Variants in PTPRD observed in about 807,000 individuals in gnomAD.
PTPRD encodes receptor-type tyrosine-protein phosphatase delta.
Under a neutral mutation model 214.5 loss-of-function variants are expected in PTPRD, and 34 were observed. The observed-to-expected ratio is 0.16, with a 90% CI of 0.12 to 0.21. The LOEUF is 0.21. Ranked by LOEUF, PTPRD falls within the 10% of genes least tolerant of loss-of-function variation. The probability of loss-of-function intolerance (pLI) is 1.00; values close to 1 mark genes in which losing one functional copy is unlikely to be tolerated. For missense variants in PTPRD, 2,545 were observed against 2,398.7 expected (o/e 1.06, Z -1.27); for synonymous variants, 1,128 against 845.7 (o/e 1.33, Z -5.79).
intron 43 of PTPRD, among the ~76,000 whole-genome samples, chr9:8,332,428 A>G (rs1288133709): frequency 6.6e-6 from 1 of 152,182 alleles, no homozygotes; most frequent in Non-Finnish European, 1.5e-5. Flanking sequence ...GCATCCCTCA[A>G]GGATACCAAC....
chr9:8,898,553 A>G (rs569002496), intron 11 of PTPRD, among the ~76,000 whole-genome samples: 3 of 152,368 alleles, frequency 2.0e-5, no homozygotes, highest in Admixed American at 6.5e-5. Context: ...TACATTTTAC[A>G]TATATAAAAT....
At chr9:10,230,837 A>T (rs182988564) in intron 3 of PTPRD, among the ~76,000 whole-genome samples, 1 of 152,102 alleles carries the variant, frequency 6.6e-6, no homozygotes, top group Admixed American at 6.6e-5. Flanking sequence ...ACTTATTTGC[A>T]TCGGTTGTGG....
chr9:8,895,389 G>C (rs2098600847), intron 11 of PTPRD, among the ~76,000 whole-genome samples: 1 of 152,104 alleles, frequency 6.6e-6, no homozygotes, highest in Admixed American at 6.6e-5. Flanking sequence ...CACTCTCTCT[G>C]TCCTTTTGAA....
At chr9:10,272,293 T>C (rs1487108747) in intron 3 of PTPRD, among the ~76,000 whole-genome samples, 1 of 152,238 alleles carries the variant, frequency 6.6e-6, no homozygotes, top group Non-Finnish European at 1.5e-5. Flanking sequence ...ACTTCGCTTT[T>C]TATTGCCAAT....
At chr9:9,019,297 A>AAAGAAAGAAAGAAAGAAAGG (rs1212296458) in intron 10 of PTPRD, among the ~76,000 whole-genome samples, 90 of 55,160 alleles carry the variant, frequency 1.6e-3, no homozygotes, top group African/African-American at 3.7e-3. Flanking sequence ...AGAAAGAAAG[A>AAAGAAAGAAAGAAAGAAAGG]AAGAAAGAAA....
intron 11 of PTPRD, among the ~76,000 whole-genome samples, chr9:8,739,407 T>G (rs7865769): frequency 2.0e-5 from 3 of 152,184 alleles, no homozygotes; most frequent in African/African-American, 7.2e-5. Context: ...TTTATCTGCA[T>G]TGACTAATAA....
At chr9:10,484,125 G>C (rs1283131548) in intron 2 of PTPRD, among the ~76,000 whole-genome samples, 1 of 152,002 alleles carries the variant, frequency 6.6e-6, no homozygotes, top group African/African-American at 2.4e-5. Flanking sequence ...CATAAAAAAT[G>C]ATAAAATAAT....
chr9:9,440,759 G>C (rs765079458), intron 8 of PTPRD, among the ~76,000 whole-genome samples: 1 of 152,146 alleles, frequency 6.6e-6, no homozygotes, highest in African/African-American at 2.4e-5. Context: ...GTGTTAAACA[G>C]AGATAAAATG....
intron 12 of PTPRD, among the ~76,000 whole-genome samples, chr9:8,677,490 A>C (rs138328257): frequency 7.4e-4 from 112 of 152,284 alleles, no homozygotes; most frequent in African/African-American, 2.3e-3. Context: ...ACAAACACAA[A>C]GAAGGAAACA....
Position 9,658,171 on chromosome 9 carries a change from T to A in PTPRD, c.-287+76362A>T, listed in dbSNP as rs560320286. 1.7e-4 allele frequency among the ~76,000 whole-genome samples: 26 copies of A among 152,272 alleles called. No individual in the cohort carries two copies. The South Asian group carries it at 3.9e-3, about 23-fold the overall frequency. ...GGAGAATTGAGTATGATGGTTTTCA[T>A]CATTGATATAATCAAAAGTCAGATG... On this transcript the variant is annotated intron_variant, in intron 7 of 45. Transcript: ENST00000381196.
chr9:9,817,931 T>G (rs1001688606), intron 5 of PTPRD, among the ~76,000 whole-genome samples: 1 of 152,182 alleles, frequency 6.6e-6, no homozygotes, highest in Admixed American at 6.5e-5. Flanking sequence ...TTTTAAGGAC[T>G]CCTATGAGGC....
rs2138456643 is a variant in PTPRD at position 8,517,885 on chromosome 9, G to C, written c.1506C>G (p.Pro502=). The part of the protein sequence containing the change: ...VLAFTSIGDG[P]LSSDIQVITQ... ...TGATGACTTGTATGTCACTTGAAAGGGGACCATCTCCAATTGAGGTAAAAG... is the reference window on the plus strand; with the variant it reads ...TGATGACTTGTATGTCACTTGAAAGCGGACCATCTCCAATTGAGGTAAAAG... Residue 502 remains proline (P), a synonymous_variant, in exon 21 of 46, where the codon CCC becomes CCG. Transcript: ENST00000381196. 3 of 1,614,062 alleles carry C rather than the reference G, an allele frequency of 1.9e-6. No individual in the cohort carries two copies. The highest frequency in any genetic ancestry group is 2.2e-5 in the East Asian group (1 of 44,874).
chr9:9,209,841 G>A (rs143896896), intron 9 of PTPRD, among the ~76,000 whole-genome samples: 1 of 152,248 alleles, frequency 6.6e-6, no homozygotes, highest in African/African-American at 2.4e-5. Flanking sequence ...TTTCATGGAT[G>A]CTGACAGAAG....
At chr9:10,588,574 T>C (rs2074566873) in intron 2 of PTPRD, among the ~76,000 whole-genome samples, 1 of 152,038 alleles carries the variant, frequency 6.6e-6, no homozygotes, top group Non-Finnish European at 1.5e-5. Flanking sequence ...AACACAGTTA[T>C]ATTTGAAAGA....
chr9:9,548,405 C>CT (rs1157663823), intron 8 of PTPRD, among the ~76,000 whole-genome samples: 7,261 of 118,526 alleles, frequency 0.061, 290 homozygotes, highest in African/African-American at 0.1. Context: ...GACTTTTTTT[C>CT]TTTTTTTTTT....
At chr9:9,037,786 G>A (rs1251374607) in intron 10 of PTPRD, among the ~76,000 whole-genome samples, 1 of 152,106 alleles carries the variant, frequency 6.6e-6, no homozygotes, top group Non-Finnish European at 1.5e-5. Flanking sequence ...GAAAAAGTAG[G>A]CTTTTCACCA....
intron 2 of PTPRD, among the ~76,000 whole-genome samples, chr9:10,564,274 C>T (rs1011125478): frequency 3.4e-5 from 5 of 147,122 alleles, no homozygotes; most frequent in African/African-American, 5.0e-5. Context: ...CTCAGCCTCC[C>T]AAATTGCTGG....
chr9:10,405,945 C>G (rs891051730), intron 2 of PTPRD, among the ~76,000 whole-genome samples: 2 of 151,418 alleles, frequency 1.3e-5, no homozygotes, highest in South Asian at 4.2e-4. Flanking sequence ...TATTAATGCT[C>G]TTAAACTATA....
At chr9:10,283,057 A>G (rs926517925) in intron 3 of PTPRD, among the ~76,000 whole-genome samples, 2 of 151,946 alleles carry the variant, frequency 1.3e-5, no homozygotes, top group African/African-American at 4.8e-5. Context: ...TTCAAGTTCT[A>G]TTATTCTCCA....
Sources: gnomAD v4.1 joint callset for allele counts (sites outside exome capture counted in the v4.1 genomes callset) on GRCh38, gnomAD v4.1.1 for gene constraint, MANE v1.5 for transcripts, NCBI Gene and HGNC (gene_info 2026-07-23, HGNC 2026-07-21) for gene names.